SGCD: variants seen among roughly 807,000 people sequenced by gnomAD.
SGCD encodes sarcoglycan delta.
SGCD carries 18 observed loss-of-function variants against 36.6 expected under a neutral mutation model. That is an observed-to-expected ratio of 0.49 (90% CI 0.34 to 0.73). The LOEUF is 0.73. Ranked by LOEUF, SGCD falls within the 30% of genes least tolerant of loss-of-function variation. The probability of loss-of-function intolerance (pLI) is 0.01; values close to 1 mark genes in which losing one functional copy is unlikely to be tolerated. For missense variants in SGCD, 387 were observed against 346.7 expected (o/e 1.12, Z -0.92); for synonymous variants, 133 against 130.6 (o/e 1.02, Z -0.12).
intron 1 of SGCD, among the ~76,000 whole-genome samples, chr5:155,947,883 GC>G (rs1757470954): frequency 2.0e-5 from 3 of 151,998 alleles, no homozygotes; most frequent in African/African-American, 7.3e-5. Flanking sequence ...CTATGAACTT[GC>G]GTAAGACACA....
At chr5:156,040,703 C>T (rs976384076) in intron 1 of SGCD, among the ~76,000 whole-genome samples, 10 of 152,328 alleles carry the variant, frequency 6.6e-5, no homozygotes, top group South Asian at 2.1e-4. Flanking sequence ...GTTGGTGACC[C>T]TCCCATGAGT....
intron 3 of SGCD, among the ~76,000 whole-genome samples, chr5:156,399,496 G>A (rs1048541543): frequency 2.0e-5 from 3 of 152,146 alleles, no homozygotes; most frequent in African/African-American, 4.8e-5. Context: ...GGCTTTACTG[G>A]CCAGCTTCCT....
chr5:156,035,447 G>GAAA (rs1232870004), intron 1 of SGCD, among the ~76,000 whole-genome samples: 1 of 151,804 alleles, frequency 6.6e-6, no homozygotes, highest in Non-Finnish European at 1.5e-5. Flanking sequence ...CTCTACAAAA[G>GAAA]AAAAATAAAA....
At chr5:155,936,055 T>C (rs1004648089) in intron 1 of SGCD, among the ~76,000 whole-genome samples, 16 of 152,136 alleles carry the variant, frequency 1.1e-4, no homozygotes, top group African/African-American at 3.9e-4. Flanking sequence ...GCCTGGAAGC[T>C]TGGAGATGCC....
intron 3 of SGCD, among the ~76,000 whole-genome samples, chr5:156,462,736 T>C (rs1754541275): frequency 6.6e-6 from 1 of 152,202 alleles, no homozygotes; most frequent in Non-Finnish European, 1.5e-5. Context: ...ACAGAAAGGC[T>C]ATAATGGTCT....
At chr5:156,252,538 TTA>T in intron 3 of SGCD, among the ~76,000 whole-genome samples, 1 of 152,202 alleles carries the variant, frequency 6.6e-6, no homozygotes, top group East Asian at 1.9e-4. Flanking sequence ...TGAGACTAAA[TTA>T]TATATGTTGG....
chr5:156,128,828 G>C (rs1762243317), intron 3 of SGCD, among the ~76,000 whole-genome samples: 1 of 152,104 alleles, frequency 6.6e-6, no homozygotes, highest in Non-Finnish European at 1.5e-5. Flanking sequence ...CCCAGTCTCA[G>C]GTAGTTCTTT....
chr5:156,097,838 ATCT>A (rs550766041), intron 1 of SGCD, among the ~76,000 whole-genome samples: 2 of 152,118 alleles, frequency 1.3e-5, no homozygotes, highest in Non-Finnish European at 2.9e-5. Flanking sequence ...TCCTGTTTAA[ATCT>A]TCTTTTTCAG....
chr5:156,531,704 C>CA (rs1219743569), intron 4 of SGCD, among the ~76,000 whole-genome samples: 1 of 151,924 alleles, frequency 6.6e-6, no homozygotes, highest in Non-Finnish European at 1.5e-5. Context: ...AAATCGCCCA[C>CA]AAAATATAGT....
chr5:155,991,982 A>G lies in SGCD; in HGVS notation c.-282+121558A>G, dbSNP rs190347643. The stretch of plus-strand genomic sequence containing the variant: ...TGCCTTTCTTCATTTCTGTCTATAT[A>G]TTAGCATGGAGATTGATGCATCACT... On this transcript the variant is annotated intron_variant, in intron 1 of 9. Transcript: ENST00000517913. 1.1e-3 allele frequency among the ~76,000 whole-genome samples: 166 copies of G among 152,328 alleles called. 1 individual carries two copies. Among genetic ancestry groups the G allele is most frequent in the African/African-American group, 3.8e-3 (160 of 41,564 alleles).
chr5:156,712,328 C>T (rs926361544), intron 7 of SGCD, among the ~76,000 whole-genome samples: 4 of 152,084 alleles, frequency 2.6e-5, no homozygotes, highest in Non-Finnish European at 5.9e-5. Flanking sequence ...TAAGGTATGC[C>T]GCAAGCTTGG....
chr5:156,608,444 G>T (rs774177057), intron 6 of SGCD, among the ~76,000 whole-genome samples: 1 of 152,184 alleles, frequency 6.6e-6, no homozygotes, highest in Non-Finnish European at 1.5e-5. Flanking sequence ...TACATTTGCT[G>T]AGGAGAGCTT....
chr5:156,265,540 T>A (rs1765976007), intron 3 of SGCD, among the ~76,000 whole-genome samples: 2 of 151,964 alleles, frequency 1.3e-5, no homozygotes, highest in Non-Finnish European at 2.9e-5. Flanking sequence ...ATATTTGTAT[T>A]TGAGCTCATA....
the SGCD span, among the ~76,000 whole-genome samples, chr5:155,844,610 G>A: frequency 1.1e-4 from 16 of 152,324 alleles, no homozygotes; most frequent in African/African-American, 3.6e-4. Flanking sequence ...TTTACATCAA[G>A]TGTTTTCCAG....
intron 6 of SGCD, among the ~76,000 whole-genome samples, chr5:156,596,924 CCATTATACTGTCCT>C (rs1161879522): frequency 2.0e-5 from 3 of 152,176 alleles, no homozygotes; most frequent in African/African-American, 7.2e-5. Flanking sequence ...CTTACTGTCC[CCATTATACTGTCCT>C]GTCCCAGTCT....
chr5:156,248,119 A>ATGTG (rs923283225), intron 3 of SGCD, among the ~76,000 whole-genome samples: 1 of 151,894 alleles, frequency 6.6e-6, no homozygotes, highest in South Asian at 2.1e-4. Context: ...ATGTTTATGT[A>ATGTG]TGTGTGTGTG....
intron 1 of SGCD, among the ~76,000 whole-genome samples, chr5:155,997,817 G>T (rs1341187869): frequency 6.6e-6 from 1 of 152,178 alleles, no homozygotes; most frequent in East Asian, 1.9e-4. Context: ...TCTCCAAGTG[G>T]CATCTGGAGA....
intron 1 of SGCD, among the ~76,000 whole-genome samples, chr5:156,092,781 AG>A (rs550742006): frequency 7.0e-4 from 106 of 152,284 alleles, no homozygotes; most frequent in South Asian, 3.3e-3. Flanking sequence ...ATCCCAGTGG[AG>A]GGATTGGGCA....
At chr5:156,686,153 A>G (rs1050859334) in intron 7 of SGCD, among the ~76,000 whole-genome samples, 3 of 152,198 alleles carry the variant, frequency 2.0e-5, no homozygotes, top group African/African-American at 7.2e-5. Flanking sequence ...AAACAGTTCT[A>G]TGAGGTAGGT....
Sources: allele counts gnomAD v4.1 joint callset (sites outside exome capture counted in the v4.1 genomes callset), GRCh38; gene constraint gnomAD v4.1.1; transcripts MANE v1.5; gene names NCBI Gene and HGNC (gene_info 2026-07-23, HGNC 2026-07-21).